The following ITPRID1 variants were observed in gnomAD, a reference collection of about 807,000 sequenced individuals.
The protein encoded by ITPRID1 is protein ITPRID1.
Under a neutral mutation model 95.4 loss-of-function variants are expected in ITPRID1, and 96 were observed. The observed-to-expected ratio is 1.01, with a 90% CI of 0.85 to 1.19. The LOEUF (loss-of-function observed/expected upper bound fraction) is 1.19, where lower values mean the gene tolerates loss of function less well. Among genes scored for constraint, ITPRID1 ranks in the 50% most tolerant of loss-of-function variants. ITPRID1 has a pLI of 0.00. For synonymous variants in ITPRID1, 510 were observed against 453.6 expected, an observed-to-expected ratio of 1.12 and a Z score of -1.58; for missense variants, 1,339 against 1,252.9, an observed-to-expected ratio of 1.07 and a Z score of -1.04.
chr7:31,622,212 C>A, intron 10 of ITPRID1, among the ~76,000 whole-genome samples: 1 of 143,004 alleles, frequency 7.0e-6, no homozygotes. Flanking sequence ...AGAAAGTCAA[C>A]AAGGATACCC....
intron 5 of ITPRID1, among the ~76,000 whole-genome samples, chr7:31,564,940 C>A (rs1050031886): frequency 6.6e-6 from 1 of 152,164 alleles, no homozygotes; most frequent in Non-Finnish European, 1.5e-5. Flanking sequence ...TGCACTTCTC[C>A]ATTCAAGTTC....
At chr7:31,554,396 G>A (rs996409762) in intron 3 of ITPRID1, 79 bp from the exon 4 acceptor site, 2 of 1,539,716 alleles carry the variant, frequency 1.3e-6, no homozygotes, top group African/African-American at 1.4e-5. Context: ...TAGTGACTGA[G>A]TGGCGGCTGA....
chr7:31,598,625 T>A (rs10278517), intron 10 of ITPRID1, among the ~76,000 whole-genome samples: 17 of 151,592 alleles, frequency 1.1e-4, no homozygotes, highest in East Asian at 5.8e-4. Context: ...GGATGGTCTC[T>A]ATCTCCTGAC....
At chr7:31,550,200 C>CTTTTT (rs60891720) in intron 2 of ITPRID1, among the ~76,000 whole-genome samples, 1 of 136,938 alleles carries the variant, frequency 7.3e-6, no homozygotes, top group African/African-American at 2.7e-5. Flanking sequence ...TTTGCATCCT[C>CTTTTT]TTTTTTTTTT....
At chr7:31,521,949 T>C (rs1431600668) in intron 1 of ITPRID1, among the ~76,000 whole-genome samples, 1 of 148,786 alleles carries the variant, frequency 6.7e-6, no homozygotes, top group African/African-American at 2.5e-5. Flanking sequence ...GGTCTTACTA[T>C]GTTACCCAGG....
intron 10 of ITPRID1, among the ~76,000 whole-genome samples, chr7:31,620,578 A>G (rs906076310): frequency 1.5e-4 from 23 of 151,424 alleles, no homozygotes; most frequent in African/African-American, 5.6e-4. Flanking sequence ...ACTAACAAAC[A>G]GAAAGGACAT....
At chr7:31,607,782 C>T (rs1433471853) in intron 10 of ITPRID1, among the ~76,000 whole-genome samples, 1 of 151,306 alleles carries the variant, frequency 6.6e-6, no homozygotes, top group Non-Finnish European at 1.5e-5. Flanking sequence ...ATGAATTAGT[C>T]CTCTTTCTCA....
At chr7:31,621,227 C>G (rs1787853544) in intron 10 of ITPRID1, among the ~76,000 whole-genome samples, 2 of 151,792 alleles carry the variant, frequency 1.3e-5, no homozygotes, top group African/African-American at 2.4e-5. Flanking sequence ...GCAAGGCAGG[C>G]CAACGTTCAG....
At chr7:31,551,970 G>T (rs1393002903) in intron 2 of ITPRID1, 1 of 402,700 alleles carries the variant, frequency 2.5e-6, no homozygotes, top group African/African-American at 2.1e-5. Context: ...TTTTAGTTTG[G>T]TATTTGTTGA....
chr7:31,598,191 A>G (rs1562597227), intron 10 of ITPRID1, among the ~76,000 whole-genome samples: 1 of 152,180 alleles, frequency 6.6e-6, no homozygotes, highest in African/African-American at 2.4e-5. Context: ...TTATGACCTC[A>G]GGGTTACAAA....
chr7:31,623,561 A>G (rs1415007150), intron 10 of ITPRID1, among the ~76,000 whole-genome samples: 4 of 151,614 alleles, frequency 2.6e-5, no homozygotes, highest in African/African-American at 9.7e-5. Flanking sequence ...ACAACCCTTC[A>G]TACTAAAAAC....
intron 5 of ITPRID1, among the ~76,000 whole-genome samples, chr7:31,568,059 G>C (rs1784860989): frequency 1.3e-5 from 2 of 151,432 alleles, no homozygotes; most frequent in South Asian, 4.2e-4. Flanking sequence ...TCGGGAGGCA[G>C]AGTTTGCAGT....
intron 10 of ITPRID1, among the ~76,000 whole-genome samples, chr7:31,636,878 CT>C (rs1476440515): frequency 9.2e-6 from 1 of 108,192 alleles, no homozygotes; most frequent in African/African-American, 3.5e-5. Context: ...TCCCTCCCCC[CT>C]CCCCCCTCCC....
chr7:31,612,897 G>A (rs901948962), intron 10 of ITPRID1, among the ~76,000 whole-genome samples: 1 of 152,118 alleles, frequency 6.6e-6, no homozygotes, highest in Non-Finnish European at 1.5e-5. Flanking sequence ...TATTAGCCAA[G>A]TTTATTATTT....
intron 10 of ITPRID1, among the ~76,000 whole-genome samples, chr7:31,636,725 TAAA>T (rs745610017): frequency 9.0e-6 from 1 of 111,504 alleles, no homozygotes; most frequent in Admixed American, 9.1e-5. Flanking sequence ...CTTTTTTTTT[TAAA>T]AATTTTATTA....
At chr7:31,617,204 C>A (rs1787329576) in intron 10 of ITPRID1, among the ~76,000 whole-genome samples, 1 of 152,102 alleles carries the variant, frequency 6.6e-6, no homozygotes, top group African/African-American at 2.4e-5. Flanking sequence ...CCTATTATTT[C>A]TTCTATAAAC....
chr7:31,612,105 T>C (rs1003372974), intron 10 of ITPRID1, among the ~76,000 whole-genome samples: 1 of 151,946 alleles, frequency 6.6e-6, no homozygotes, highest in Non-Finnish European at 1.5e-5. Flanking sequence ...TGATTCTTTT[T>C]CTTCTGCCAT....
At chr7:31,562,794 G>T (rs1784669717) in intron 5 of ITPRID1, among the ~76,000 whole-genome samples, 1 of 151,952 alleles carries the variant, frequency 6.6e-6, no homozygotes, top group African/African-American at 2.4e-5. Flanking sequence ...TCTTCATCCT[G>T]TTCCTCCTGT....
chr7:31,572,583 T>C (rs527308099), intron 7 of ITPRID1, among the ~76,000 whole-genome samples: 1 of 152,198 alleles, frequency 6.6e-6, no homozygotes, highest in Admixed American at 6.5e-5. Flanking sequence ...CCATAAAACA[T>C]GTATGTAACT....
Sources: allele counts gnomAD v4.1 joint callset (sites outside exome capture counted in the v4.1 genomes callset), GRCh38; gene constraint gnomAD v4.1.1; transcripts MANE v1.5; gene names NCBI Gene and HGNC (gene_info 2026-07-23, HGNC 2026-07-21).